The following TRPC1 variants were observed in gnomAD, a reference collection of about 807,000 sequenced individuals.
The protein encoded by TRPC1 is short transient receptor potential channel 1.
In TRPC1, 42 loss-of-function variants were observed where a neutral mutation model predicts 88.2. That is an observed-to-expected ratio of 0.48 (90% CI 0.37 to 0.62). The LOEUF (loss-of-function observed/expected upper bound fraction) is 0.62, where lower values mean the gene tolerates loss of function less well. TRPC1 is among the 20% of genes least tolerant of loss of function. The pLI, the probability that TRPC1 is intolerant of heterozygous loss-of-function variation, is 0.00. For missense variants in TRPC1, 699 were observed against 957.3 expected (o/e 0.73, Z 3.56); for synonymous variants, 288 against 331.8 (o/e 0.87, Z 1.43).
intron 7 of TRPC1, among the ~76,000 whole-genome samples, chr3:142,785,667 A>C (rs955838171): frequency 1.3e-5 from 2 of 151,884 alleles, no homozygotes; most frequent in African/African-American, 2.4e-5. Context: ...CACCTGGCTA[A>C]TTTTTGTATT....
chr3:142,789,869 G>A (rs1419825985), intron 7 of TRPC1, among the ~76,000 whole-genome samples: 1 of 152,006 alleles, frequency 6.6e-6, no homozygotes, highest in Non-Finnish European at 1.5e-5. Flanking sequence ...GTACTTTTCA[G>A]GACATTTGGA....
intron 4 of TRPC1, among the ~76,000 whole-genome samples, chr3:142,777,420 A>G (rs1287881693): frequency 6.6e-6 from 1 of 152,224 alleles, no homozygotes; most frequent in Non-Finnish European, 1.5e-5. Context: ...AAAATTTTCT[A>G]AAAAGCAATA....
intron 4 of TRPC1, among the ~76,000 whole-genome samples, chr3:142,756,900 C>T (rs1280944230): frequency 6.6e-6 from 1 of 152,100 alleles, no homozygotes; most frequent in East Asian, 1.9e-4. Flanking sequence ...CCCATTCTTT[C>T]CTGGCCTCTG....
intron 6 of TRPC1, among the ~76,000 whole-genome samples, chr3:142,782,640 G>T (rs1935998604): frequency 6.6e-6 from 1 of 152,150 alleles, no homozygotes; most frequent in Non-Finnish European, 1.5e-5. Context: ...ATAATCAGCT[G>T]GGGGCTTCTC....
intron 1 of TRPC1, among the ~76,000 whole-genome samples, chr3:142,734,462 AAG>A (rs1196526498): frequency 1.2e-4 from 18 of 152,270 alleles, no homozygotes; most frequent in Admixed American, 1.2e-3. Flanking sequence ...GAATGCAGGA[AAG>A]AGAGAGGAAA....
Position 142,748,395 on chromosome 3 carries a change from T to A in TRPC1, c.567T>A (p.His189Gln). Residue 189 changes from histidine (H) to glutamine (Q), a missense_variant, in exon 4 of 13, where the codon CAT becomes CAA. Transcript: ENST00000476941. ...AGGATGTATCTCTACCCAAGCCCCATGCAGTTGGCTGTGAATGCACATTGT... is the reference window on the plus strand; with the variant it reads ...AGGATGTATCTCTACCCAAGCCCCAAGCAGTTGGCTGTGAATGCACATTGT... Reference protein sequence around the residue: ...LKQDVSLPKPHAVGCECTLCS... With the variant: ...LKQDVSLPKPQAVGCECTLCS... 1 of 1,614,164 alleles carries A rather than the reference T, an allele frequency of 6.2e-7. No homozygotes were observed.
At chr3:142,757,485 C>T (rs973784714) in intron 4 of TRPC1, among the ~76,000 whole-genome samples, 7 of 152,062 alleles carry the variant, frequency 4.6e-5, no homozygotes, top group Non-Finnish European at 8.8e-5. Flanking sequence ...GACATGAATT[C>T]ATGTCCTTTG....
intron 1 of TRPC1, among the ~76,000 whole-genome samples, chr3:142,726,484 G>C (rs1198246454): frequency 6.6e-6 from 1 of 152,122 alleles, no homozygotes; most frequent in South Asian, 2.1e-4. Context: ...TTGGCTTTGG[G>C]GGGGTAGGGT....
rs1438237073 is a variant in TRPC1, at chr3:142,807,610, T to G, written c.*1375T>G. On this transcript the variant is annotated 3_prime_UTR_variant, in exon 13 of 13. Coordinates refer to ENST00000476941, the MANE Select transcript of TRPC1 (RefSeq NM_001251845.2). ...TTGTTTCATCTTGCTTTTGCATTTTTATTTTTTAATTTCCAAATTTTAAGT... is the reference window on the plus strand; with the variant it reads ...TTGTTTCATCTTGCTTTTGCATTTTGATTTTTTAATTTCCAAATTTTAAGT... The G allele has an allele frequency of 1.3e-5, 2 of 152,228 alleles. No homozygotes were observed. The highest frequency in any genetic ancestry group is 4.8e-5 in the African/African-American group (2 of 41,458). The allele number at this position is 152,228 out of a possible 1,614,324, so 9.4% of individuals were successfully genotyped here. A position where few individuals can be genotyped will look rare whatever the true frequency, so the allele number is the denominator to read the frequency against.
intron 4 of TRPC1, among the ~76,000 whole-genome samples, chr3:142,773,984 A>G (rs112641517): frequency 1.3e-5 from 2 of 151,528 alleles, no homozygotes; most frequent in South Asian, 2.1e-4. Context: ...AGCCTACAGA[A>G]TTTGTCTCCT....
chr3:142,754,993 C>T (rs537066619), intron 4 of TRPC1, among the ~76,000 whole-genome samples: 1 of 152,124 alleles, frequency 6.6e-6, no homozygotes, highest in Non-Finnish European at 1.5e-5. Flanking sequence ...TCCATATTGC[C>T]AGAATCTTTA....
At chr3:142,786,485 C>T (rs1251915768) in intron 7 of TRPC1, among the ~76,000 whole-genome samples, 1 of 152,022 alleles carries the variant, frequency 6.6e-6, no homozygotes, top group African/African-American at 2.4e-5. Context: ...TAAAATAATA[C>T]ACATCTAAAC....
At chr3:142,761,861 A>G (rs1158708398) in intron 4 of TRPC1, among the ~76,000 whole-genome samples, 2 of 152,168 alleles carry the variant, frequency 1.3e-5, no homozygotes, top group South Asian at 2.1e-4. Context: ...AGTTTTGCAT[A>G]TAGTAGTTTA....
intron 9 of TRPC1, among the ~76,000 whole-genome samples, chr3:142,796,955 T>TA (rs752768865): frequency 6.6e-6 from 1 of 152,148 alleles, no homozygotes; most frequent in Non-Finnish European, 1.5e-5. Flanking sequence ...TAAGGTTTAT[T>TA]ATGATTGTCA....
chr3:142,780,380 CAT>C (rs1288267827), intron 5 of TRPC1, among the ~76,000 whole-genome samples: 8 of 152,000 alleles, frequency 5.3e-5, no homozygotes, highest in South Asian at 2.1e-4. Flanking sequence ...GTAACATAAA[CAT>C]ATTGTAGATG....
Position 142,792,688 on chromosome 3 carries a change from C to G in TRPC1, c.1438-136C>G. The G allele has an allele frequency of 3.2e-6, 2 of 629,286 alleles. No individual in the cohort carries two copies. Among genetic ancestry groups the G allele is most frequent in the Non-Finnish European group, 4.7e-6 (2 of 428,976 alleles). 39.0% of individuals were successfully genotyped at this position (629,286 alleles called of 1,614,324 possible). On this transcript the variant is annotated intron_variant, in intron 8 of 12. Transcript: ENST00000476941. The surrounding 1 kb of genome is among the most constrained non-coding windows in gnomAD (Gnocchi z 4.0). Reference sequence around the variant, plus strand: ...AATATTATTTCTATTTTTAAAAAACCCTATAAAACATAAGTGGAGATCCCC... The same window carrying G: ...AATATTATTTCTATTTTTAAAAAACGCTATAAAACATAAGTGGAGATCCCC...
intron 10 of TRPC1, among the ~76,000 whole-genome samples, chr3:142,803,548 G>A (rs9851381): frequency 0.32 from 48,174 of 150,206 alleles, 10,796 homozygotes; most frequent in African/African-American, 0.65. Flanking sequence ...TTAGATATTA[G>A]CAAATCATAT....
intron 12 of TRPC1, among the ~76,000 whole-genome samples, chr3:142,805,369 A>G (rs1007917462): frequency 6.6e-6 from 1 of 152,124 alleles, no homozygotes; most frequent in African/African-American, 2.4e-5. Context: ...CAATACATCA[A>G]TAATTCAATA....
At chr3:142,784,666 C>T in intron 6 of TRPC1, 38 bp from the exon 7 acceptor site, 2 of 1,500,554 alleles carry the variant, frequency 1.3e-6, no homozygotes, top group Admixed American at 2.2e-5. Context: ...TTTCCTTTTA[C>T]TTTTTTTCTT....
Sources: allele counts gnomAD v4.1 joint callset (sites outside exome capture counted in the v4.1 genomes callset), GRCh38; gene constraint gnomAD v4.1.1; non-coding constraint Gnocchi (gnomAD v3.1); transcripts MANE v1.5; gene names NCBI Gene and HGNC (gene_info 2026-07-23, HGNC 2026-07-21).